The following ACAD8 variants were observed in gnomAD, a reference collection of about 807,000 sequenced individuals.
ACAD8 encodes acyl-CoA dehydrogenase family member 8.
ACAD8 carries 47 observed loss-of-function variants against 53.1 expected under a neutral mutation model. The observed-to-expected ratio is 0.89, with a 90% confidence interval of 0.70 to 1.13. The LOEUF is 1.13. ACAD8 is among the 50% of genes most tolerant of loss of function. The pLI is 0.00. For synonymous variants in ACAD8, 198 were observed against 201.3 expected, an observed-to-expected ratio of 0.98 and a Z score of 0.14; for missense variants, 494 against 535.0, an observed-to-expected ratio of 0.92 and a Z score of 0.76.
intron 2 of ACAD8, 53 bp from the exon 3 acceptor site, chr11:134,257,035 G>T: frequency 6.2e-7 from 1 of 1,603,304 alleles, no homozygotes; most frequent in Non-Finnish European, 8.5e-7. Flanking sequence ...CCCTCTAAAA[G>T]GAAGGCCGTC....
intron 1 of ACAD8, among the ~76,000 whole-genome samples, chr11:134,254,673 G>A (rs1338772431): frequency 6.6e-6 from 1 of 152,182 alleles, no homozygotes; most frequent in African/African-American, 2.4e-5. Flanking sequence ...GATTACCCTG[G>A]TTGATACCGA....
intron 6 of ACAD8, chr11:134,259,966 C>T (rs918854504): frequency 1.4e-6 from 2 of 1,399,756 alleles, no homozygotes; most frequent in Non-Finnish European, 1.9e-6. Flanking sequence ...GTAAATTCTT[C>T]AAGCCACCTG....
chr11:134,262,490 C>G, intron 9 of ACAD8, 30 bp from the exon 10 acceptor site: 4 of 1,508,560 alleles, frequency 2.7e-6, no homozygotes, highest in Non-Finnish European at 2.8e-6. Context: ...TTCCCAGAGT[C>G]CAAGACGTCT....
In ACAD8 at chr11:134,261,383, C is replaced by T. The variant is rs372904463; in HGVS notation, c.939+11C>T. 3.3e-4 allele frequency: 532 copies of T among 1,613,676 alleles called. No homozygotes were observed. Among genetic ancestry groups the T allele is most frequent in the Non-Finnish European group, 4.3e-4 (508 of 1,179,704 alleles). ...CTGGCCAGTAACCAGGTAACCTCTG[C>T]CTTGCCTCCACATGGCTTTGCACTA... On this transcript the variant is annotated intron_variant, in intron 8 of 10. Coordinates refer to ENST00000281182, the MANE Select transcript of ACAD8 (RefSeq NM_014384.3). The surrounding 1 kb of genome is among the most constrained non-coding windows in gnomAD (Gnocchi z 4.2).
chr11:134,264,106 A>T, intron 10 of ACAD8: 2 of 956,190 alleles, frequency 2.1e-6, no homozygotes, highest in Non-Finnish European at 2.5e-6. Flanking sequence ...GCACTTTGGG[A>T]GGCTGAGGCG....
intron 3 of ACAD8, 101 bp downstream of exon 3, chr11:134,257,358 C>T: frequency 7.0e-7 from 1 of 1,435,022 alleles, no homozygotes; most frequent in African/African-American, 1.4e-5. Flanking sequence ...AGCTGAGTGT[C>T]CTCAAGGAAC....
intron 10 of ACAD8, 67 bp downstream of exon 10, chr11:134,262,689 T>C (rs1274424288): frequency 6.5e-7 from 1 of 1,541,592 alleles, no homozygotes; most frequent in East Asian, 2.4e-5. Context: ...TTCCCCACTC[T>C]CTGTCCCCAT....
chr11:134,262,985 G>A, intron 10 of ACAD8: 1 of 1,214,518 alleles, frequency 8.2e-7, no homozygotes, highest in Non-Finnish European at 1.1e-6. Flanking sequence ...GATGGACAAG[G>A]CAAATGTGAG....
chr11:134,264,087 A>G (rs1940053921), intron 10 of ACAD8: 3 of 975,962 alleles, frequency 3.1e-6, no homozygotes, highest in African/African-American at 1.8e-5. Flanking sequence ...GCTTATGTCT[A>G]TAATCGCCGC....
In ACAD8 at chr11:134,261,777, G is replaced by A. The variant is rs1334287760; in HGVS notation, c.979G>A (p.Val327Met). Residue 327 changes from valine to methionine, a missense_variant, in exon 9 of 11, where the codon GTG (valine) becomes ATG (methionine). Val to Met is a conservative substitution (Grantham distance 21). Transcript: ENST00000281182. The surrounding 1 kb of genome is among the most constrained non-coding windows in gnomAD (Gnocchi z 4.2). ...FTLADMATRL[V>M]AARLMVRNAA... ...ACTGGCTGATATGGCAACAAGGCTG[G>A]TGGCCGCGCGGCTGATGGTCCGCAA... 6 of 1,614,036 alleles carry A rather than the reference G, an allele frequency of 3.7e-6. No individual in the cohort carries two copies. The African/African-American group carries it at 6.7e-5, about 18-fold the overall frequency.
Position 134,261,675 on chromosome 11 carries a change from C to G in ACAD8, c.940-63C>G. The G allele has an allele frequency of 1.9e-6, 3 of 1,608,096 alleles. No individual in the cohort carries two copies. The highest frequency in any genetic ancestry group is 1.7e-6 in the Non-Finnish European group (2 of 1,179,780). ...GCCTCCGAGATGTCTTACCGAGGCTCCTGCACCAGGTGCTGGTCTAAGCCC... is the reference window on the plus strand; with the variant it reads ...GCCTCCGAGATGTCTTACCGAGGCTGCTGCACCAGGTGCTGGTCTAAGCCC... On this transcript the variant is annotated intron_variant, in intron 8 of 10. Transcript: ENST00000281182. This position sits in a 1 kb window ranked among gnomAD's most constrained non-coding sequence, Gnocchi z 4.2.
intron 1 of ACAD8, among the ~76,000 whole-genome samples, chr11:134,255,416 A>G (rs1939469062): frequency 1.3e-5 from 2 of 152,326 alleles, no homozygotes; most frequent in Non-Finnish European, 2.9e-5. Flanking sequence ...GATTACAGGC[A>G]TGAGCCACTG....
rs959986145 is a variant in ACAD8 at position 134,258,886 on chromosome 11, A to G, written c.491-122A>G. The G allele has an allele frequency of 5.4e-6, 5 of 934,034 alleles. No individual in the cohort carries two copies. In the African/African-American group the frequency reaches 6.5e-5, roughly 12 times the overall value. The allele number at this position is 934,034 out of a possible 1,614,324, so 57.9% of individuals were successfully genotyped here. A position where few individuals can be genotyped will look rare whatever the true frequency, so the allele number is the denominator to read the frequency against. On this transcript the variant is annotated intron_variant, in intron 4 of 10. Transcript: ENST00000281182. ...GTTCCTTTGGCCACTTGGGTTTTGC[A>G]GTGACACACTCTGAGCAGGGTCTGT... is the stretch of plus-strand genomic sequence containing the variant.
intron 10 of ACAD8, among the ~76,000 whole-genome samples, chr11:134,264,542 T>C (rs1417884767): frequency 6.6e-6 from 1 of 152,154 alleles, no homozygotes; most frequent in Non-Finnish European, 1.5e-5. Flanking sequence ...AAAAAATCAC[T>C]CATGTTTCTA....
chr11:134,257,950 A>G (rs1217241987), intron 3 of ACAD8: 1 of 178,498 alleles, frequency 5.6e-6, no homozygotes, highest in African/African-American at 2.4e-5. Context: ...CCCCGGTTCA[A>G]GTGATTCTCC....
At chr11:134,262,445 C>A in intron 9 of ACAD8, 75 bp from the exon 10 acceptor site, 1 of 1,004,836 alleles carries the variant, frequency 1.0e-6, no homozygotes, top group Non-Finnish European at 1.5e-6. Context: ...AGATCGTGGG[C>A]TGGGGTAGGA....
chr11:134,262,072 T>C (rs1939913384), intron 9 of ACAD8, 182 bp downstream of exon 9: 1 of 741,304 alleles, frequency 1.3e-6, no homozygotes, highest in African/African-American at 1.7e-5. Flanking sequence ...CGCTGGCTTT[T>C]AGGCCTGCTG....
Position 134,262,573 on chromosome 11 carries a change from C to T in ACAD8, c.1146C>T (p.Tyr382=), listed in dbSNP as rs374573373. The T allele has an allele frequency of 3.0e-5, 48 of 1,614,010 alleles. No homozygotes were observed. The highest frequency in any genetic ancestry group is 2.8e-4 in the Admixed American group (17 of 60,008). ...MHGGYGYLKD[Y]AVQQYVRDSR... The stretch of plus-strand genomic sequence containing the variant: ...GGGGCTACGGCTACCTGAAGGATTA[C>T]GCTGTTCAGCAGTACGTGCGGGACT... The change falls in exon 10 of 11, where the codon TAC becomes TAT. Residue 382 remains tyrosine, a synonymous_variant. Coordinates refer to ENST00000281182, the MANE Select transcript of ACAD8 (RefSeq NM_014384.3).
chr11:134,262,811 G>A lies in ACAD8; in HGVS notation c.1195+189G>A, dbSNP rs969162076. On this transcript the variant is annotated intron_variant, in intron 10 of 10. Transcript: ENST00000281182. Reference sequence around the variant, plus strand: ...GCCTGGAGTCCAGAGCCGCAGCTTCGTCCCTTTCGGGGGGCCTCAGATCGC... The same window carrying A: ...GCCTGGAGTCCAGAGCCGCAGCTTCATCCCTTTCGGGGGGCCTCAGATCGC... 14 of 1,474,948 alleles carry A rather than the reference G, an allele frequency of 9.5e-6. 1 individual carries two copies. Among genetic ancestry groups the A allele is most frequent in the Admixed American group, 6.1e-5 (3 of 48,904 alleles). The allele number at this position is 1,474,948 out of a possible 1,614,324, so 91.4% of individuals were successfully genotyped here. A position where few individuals can be genotyped will look rare whatever the true frequency, so the allele number is the denominator to read the frequency against.
Sources: allele counts gnomAD v4.1 joint callset (sites outside exome capture counted in the v4.1 genomes callset), GRCh38; gene constraint gnomAD v4.1.1; non-coding constraint Gnocchi (gnomAD v3.1); transcripts MANE v1.5; gene names NCBI Gene and HGNC (gene_info 2026-07-23, HGNC 2026-07-21).